Variants in LPP observed in about 807,000 individuals in gnomAD.
LPP encodes lipoma-preferred partner.
A neutral mutation model predicts 60.4 loss-of-function variants in LPP; 38 were observed. That is an observed-to-expected ratio of 0.63 (90% CI 0.49 to 0.83). LPP has a LOEUF of 0.83. Among genes scored for constraint, LPP ranks in the 40% least tolerant of loss-of-function variants. The pLI, the probability that LPP is intolerant of heterozygous loss-of-function variation, is 0.00. For synonymous variants in LPP, 328 were observed against 290.8 expected, an observed-to-expected ratio of 1.13 and a Z score of -1.30; for missense variants, 902 against 783.6, an observed-to-expected ratio of 1.15 and a Z score of -1.80.
At chr3:188,446,688 G>A (rs1795312846) in intron 4 of LPP, among the ~76,000 whole-genome samples, 1 of 152,124 alleles carries the variant, frequency 6.6e-6, no homozygotes, top group South Asian at 2.1e-4. Flanking sequence ...TGTTCTCCAA[G>A]TTCCCACTCA....
At chr3:188,213,245 A>G (rs1712012675) in intron 1 of LPP, among the ~76,000 whole-genome samples, 1 of 152,164 alleles carries the variant, frequency 6.6e-6, no homozygotes, top group South Asian at 2.1e-4. Flanking sequence ...GATGTGTAGC[A>G]TTTGCACAGC....
At chr3:188,390,854 G>C (rs56046601) in intron 3 of LPP, among the ~76,000 whole-genome samples, 51,683 of 151,984 alleles carry the variant, frequency 0.34, 10,539 homozygotes, top group Middle Eastern at 0.61. Flanking sequence ...AGAAGAGAGA[G>C]ACCCTGAAGA....
intron 3 of LPP, among the ~76,000 whole-genome samples, chr3:188,358,830 A>AACTCATTATTTTT (rs1174827567): frequency 1.3e-5 from 2 of 152,124 alleles, no homozygotes; most frequent in Non-Finnish European, 2.9e-5. Flanking sequence ...GTCATGCTTT[A>AACTCATTATTTTT]ACTCATTATT....
At chr3:188,154,653 G>T (rs1214051193) in intron 1 of LPP, among the ~76,000 whole-genome samples, 1 of 152,246 alleles carries the variant, frequency 6.6e-6, no homozygotes, top group Non-Finnish European at 1.5e-5. Context: ...GGCCCAGAGA[G>T]AAGGAGGGTC....
intron 9 of LPP, among the ~76,000 whole-genome samples, chr3:188,845,510 A>G (rs1761170727): frequency 6.6e-6 from 1 of 152,178 alleles, no homozygotes; most frequent in African/African-American, 2.4e-5. Flanking sequence ...GAATTTTAGA[A>G]AGGGTCTCTT....
chr3:188,392,389 A>T (rs1779916174), intron 3 of LPP, among the ~76,000 whole-genome samples: 1 of 151,958 alleles, frequency 6.6e-6, no homozygotes, highest in South Asian at 2.1e-4. Flanking sequence ...GTCTGGGGGG[A>T]GTTCTGTCTT....
chr3:188,473,478 G>A lies in LPP; in HGVS notation c.194-11114G>A, dbSNP rs530811398. Among the ~76,000 whole-genome samples the A allele has an allele frequency of 2.5e-3, 376 of 152,172 alleles. 2 individuals are homozygous for A. Among genetic ancestry groups the A allele is most frequent in the Non-Finnish European group, 4.0e-3 (270 of 67,998 alleles). On this transcript the variant is annotated intron_variant, in intron 4 of 11. Transcript: ENST00000617246. ...CAATGATTCTTAACCAGCGCTATAC[G>A]CCAGAATCATTGAAGGAGCTTTGCA... is the stretch of plus-strand genomic sequence containing the variant.
rs550127042 is a variant in LPP at position 188,231,563 on chromosome 3, G to T, written c.-67+6036G>T. ...GTAGAGCTTTTTTGGTAGAAATGTC[G>T]AAAGGTTCTTGCTTGAGCCCCTTGC... On this transcript the variant is annotated intron_variant, in intron 2 of 11. Coordinates refer to ENST00000617246, the MANE Select transcript of LPP (RefSeq NM_001375462.1). Among the ~76,000 whole-genome samples the T allele has an allele frequency of 7.2e-5, 11 of 151,838 alleles. No individual in the cohort carries two copies. In the South Asian group the frequency reaches 2.3e-3, roughly 32 times the overall value.
At chr3:188,224,650 C>T (rs1471468464) in intron 1 of LPP, among the ~76,000 whole-genome samples, 1 of 152,040 alleles carries the variant, frequency 6.6e-6, no homozygotes, top group Non-Finnish European at 1.5e-5. Context: ...CCTCAGGGAG[C>T]TTTTACTCAT....
chr3:188,597,712 G>A (rs529748964), intron 6 of LPP, among the ~76,000 whole-genome samples: 3 of 152,132 alleles, frequency 2.0e-5, no homozygotes, highest in South Asian at 4.1e-4. Context: ...TTCTGTTACC[G>A]AACTATTTCC....
rs750488243 is a variant in LPP at position 188,757,889 on chromosome 3, G to GTTTTTTTTTTTTTTTTTTTTTT, written c.1241-2204_1241-2203insTTTTTTTTTTTTTTTTTTTTTT. ...TTTTTTTTGTGGTTTTGTTTTTTTG[G>GTTTTTTTTTTTTTTTTTTTTTT]TTTTTTTTTTTTTTTTTTTTCAGAA... is the stretch of plus-strand genomic sequence containing the variant. On this transcript the variant is annotated intron_variant, in intron 8 of 11. Coordinates refer to ENST00000617246, the MANE Select transcript of LPP (RefSeq NM_001375462.1). Among the ~76,000 whole-genome samples the GTTTTTTTTTTTTTTTTTTTTTT allele has an allele frequency of 1.8e-3, 145 of 78,652 alleles. 3 individuals carry two copies. Among genetic ancestry groups the GTTTTTTTTTTTTTTTTTTTTTT allele is most frequent in the Non-Finnish European group, 2.3e-3 (101 of 42,994 alleles). The allele number at this position is 78,652 out of a possible 152,430, so 51.6% of individuals were successfully genotyped here.
intron 10 of LPP, among the ~76,000 whole-genome samples, chr3:188,870,592 C>T (rs770623349): frequency 6.6e-6 from 1 of 152,168 alleles, no homozygotes; most frequent in Non-Finnish European, 1.5e-5. Flanking sequence ...CAAGTGTGTA[C>T]AGCACTTAAC....
intron 4 of LPP, among the ~76,000 whole-genome samples, chr3:188,473,467 C>T (rs1212730325): frequency 2.0e-5 from 3 of 152,072 alleles, no homozygotes; most frequent in Non-Finnish European, 4.4e-5. Context: ...GATTCTTAAC[C>T]AGCGCTATAC....
chr3:188,312,357 T>C (rs1274531283), intron 2 of LPP, among the ~76,000 whole-genome samples: 1 of 152,248 alleles, frequency 6.6e-6, no homozygotes, highest in Non-Finnish European at 1.5e-5. Flanking sequence ...AATTTTTGCT[T>C]ATTGATTTAT....
At chr3:188,384,006 T>C (rs1481174770) in intron 3 of LPP, among the ~76,000 whole-genome samples, 2 of 152,188 alleles carry the variant, frequency 1.3e-5, no homozygotes, top group East Asian at 3.8e-4. Flanking sequence ...TACACGTTCC[T>C]CTCCTTAGAA....
chr3:188,871,698 C>G (rs1768137902), intron 10 of LPP, among the ~76,000 whole-genome samples: 2 of 151,872 alleles, frequency 1.3e-5, no homozygotes, highest in South Asian at 4.1e-4. Flanking sequence ...AGTTCTTATC[C>G]AGGTCCATTT....
chr3:188,804,277 A>ATATATATATGTATATG (rs1388317207), intron 9 of LPP, among the ~76,000 whole-genome samples: 1 of 126,140 alleles, frequency 7.9e-6, no homozygotes, highest in Admixed American at 8.7e-5. Flanking sequence ...ATATATATAT[A>ATATATATATGTATATG]TATATAAAAT....
chr3:188,859,992 G>C (rs1764802240), intron 9 of LPP, among the ~76,000 whole-genome samples: 1 of 152,066 alleles, frequency 6.6e-6, no homozygotes. Flanking sequence ...TTTTCAGTCT[G>C]TTTCAAAACA....
chr3:188,515,577 G>A (rs1204844256), intron 5 of LPP, among the ~76,000 whole-genome samples: 2 of 152,082 alleles, frequency 1.3e-5, no homozygotes, highest in Non-Finnish European at 2.9e-5. Context: ...TTAATGCTGT[G>A]TTCTCAGTTG....
Sources: gnomAD v4.1 joint callset for allele counts (sites outside exome capture counted in the v4.1 genomes callset) on GRCh38, gnomAD v4.1.1 for gene constraint, MANE v1.5 for transcripts, NCBI Gene and HGNC (gene_info 2026-07-23, HGNC 2026-07-21) for gene names.